The following PLA2G6 variants were observed in gnomAD, a reference collection of about 807,000 sequenced individuals.
PLA2G6 encodes the protein phospholipase A2 group VI.
A neutral mutation model predicts 83.8 loss-of-function variants in PLA2G6; 62 were observed. That is an observed-to-expected ratio of 0.74 (90% CI 0.60 to 0.91). The LOEUF is 0.91. Among genes scored for constraint, PLA2G6 ranks in the 40% least tolerant of loss-of-function variants. The pLI, the probability that PLA2G6 is intolerant of heterozygous loss-of-function variation, is 0.00. For synonymous variants in PLA2G6, 417 were observed against 449.8 expected, an observed-to-expected ratio of 0.93 and a Z score of 0.92; for missense variants, 944 against 1,102.0, an observed-to-expected ratio of 0.86 and a Z score of 2.03.
chr22:38,153,325 G>A (rs2089648344), intron 2 of PLA2G6, among the ~76,000 whole-genome samples: 1 of 152,182 alleles, frequency 6.6e-6, no homozygotes, highest in Non-Finnish European at 1.5e-5. Context: ...CAAGTGAGGA[G>A]CGCCTCTGCC....
At chr22:38,162,547 G>A (rs1394532443) in intron 2 of PLA2G6, among the ~76,000 whole-genome samples, 1 of 152,160 alleles carries the variant, frequency 6.6e-6, no homozygotes, top group African/African-American at 2.4e-5. Context: ...GGAAAGTGGG[G>A]TGCTTGAAAC....
chr22:38,159,221 A>C (rs2089912113), intron 2 of PLA2G6, among the ~76,000 whole-genome samples: 1 of 152,320 alleles, frequency 6.6e-6, no homozygotes, highest in East Asian at 1.9e-4. Context: ...TCCTCCATAC[A>C]TTAAAAAGGA....
At chr22:38,126,761 C>T (rs895876801) in intron 9 of PLA2G6, 8 of 426,302 alleles carry the variant, frequency 1.9e-5, no homozygotes, top group Non-Finnish European at 3.1e-5. Flanking sequence ...GGCATGAATA[C>T]CCTTGCGTGT....
At position 38,112,036 on chromosome 22, in the gene PLA2G6, C is replaced by T; in HGVS notation, c.*125G>A. The T allele has an allele frequency of 1.7e-6, 2 of 1,167,848 alleles. No homozygotes were observed. The highest frequency in any genetic ancestry group is 2.5e-6 in the Non-Finnish European group (2 of 804,624). The allele number at this position is 1,167,848 out of a possible 1,614,324, so 72.3% of individuals were successfully genotyped here. On this transcript the variant is annotated 3_prime_UTR_variant, in exon 17 of 17. Coordinates refer to ENST00000332509, the MANE Select transcript of PLA2G6 (RefSeq NM_003560.4). ...TCGGGCAGGCAGCTTGGCATTCTCC[C>T]AGGCCTGGTCTATGGACTCAGAGGT... is the stretch of plus-strand genomic sequence containing the variant.
chr22:38,152,246 C>A (rs1341345172), intron 2 of PLA2G6, among the ~76,000 whole-genome samples: 11 of 151,230 alleles, frequency 7.3e-5, no homozygotes, highest in Non-Finnish European at 1.6e-4. Context: ...GACAGAGTTT[C>A]GCTCTTGTCG....
At chr22:38,139,375 G>T (rs1211020398) in intron 5 of PLA2G6, 1 of 151,766 alleles carries the variant, frequency 6.6e-6, no homozygotes, top group African/African-American at 2.4e-5. Flanking sequence ...TATAGAGGGA[G>T]ATTCACTCCT....
chr22:38,181,098 T>A (rs1442676914), intron 1 of PLA2G6, among the ~76,000 whole-genome samples: 3 of 151,914 alleles, frequency 2.0e-5, no homozygotes, highest in East Asian at 3.9e-4. Context: ...CCCGACCCAG[T>A]CCCATGATCA....
intron 1 of PLA2G6, among the ~76,000 whole-genome samples, chr22:38,171,546 T>C (rs944205425): frequency 2.6e-5 from 4 of 151,972 alleles, no homozygotes; most frequent in Non-Finnish European, 5.9e-5. Context: ...AGGCCAGGCA[T>C]GGTGGCTCAT....
At chr22:38,164,173 C>T (rs968423620) in intron 2 of PLA2G6, among the ~76,000 whole-genome samples, 2 of 152,186 alleles carry the variant, frequency 1.3e-5, no homozygotes, top group Admixed American at 1.3e-4. Flanking sequence ...CAAGTGACCC[C>T]TGGGGGCTCA....
intron 1 of PLA2G6, among the ~76,000 whole-genome samples, chr22:38,170,062 G>A (rs1278011663): frequency 6.6e-6 from 1 of 152,036 alleles, no homozygotes; most frequent in African/African-American, 2.4e-5. Flanking sequence ...GCCAGATGTG[G>A]TGGCAGGCGC....
At chr22:38,160,415 C>A (rs115040454) in intron 2 of PLA2G6, among the ~76,000 whole-genome samples, 1,486 of 148,070 alleles carry the variant, frequency 0.01, 33 homozygotes, top group African/African-American at 0.035. Flanking sequence ...AGAAATAACC[C>A]AAATTTTCAT....
rs934184302 is a variant in PLA2G6 at position 38,132,398 on chromosome 22, C to T, written c.1077+433G>A. On this transcript the variant is annotated intron_variant, in intron 7 of 16. Coordinates refer to ENST00000332509, the MANE Select transcript of PLA2G6 (RefSeq NM_003560.4). The surrounding 1 kb of genome is among the most constrained non-coding windows in gnomAD (Gnocchi z 5.0). ...GGATGCTCACTCGGGCCAGGTACTG[C>T]GTGTGTCACTTAGACATTCTGTAGA... The T allele has an allele frequency of 1.6e-5, 5 of 322,406 alleles. No individual in the cohort carries two copies. Among genetic ancestry groups the T allele is most frequent in the South Asian group, 5.2e-5 (2 of 38,732 alleles). 20.0% of individuals were successfully genotyped at this position (322,406 alleles called of 1,614,324 possible).
intron 5 of PLA2G6, 60 bp from the exon 6 acceptor site, chr22:38,135,144 A>C: frequency 8.5e-7 from 1 of 1,176,830 alleles, no homozygotes; most frequent in Non-Finnish European, 1.3e-6. Context: ...GCGTGGGATG[A>C]AGCCAGGACT....
chr22:38,116,851 C>CAAAAAAAAAAAA (rs57712042), intron 12 of PLA2G6, among the ~76,000 whole-genome samples: 25 of 37,658 alleles, frequency 6.6e-4, no homozygotes, highest in Non-Finnish European at 9.1e-4. Context: ...AACTCCGTCT[C>CAAAAAAAAAAAA]AAAAAAAAAA....
At chr22:38,162,453 G>A (rs2090056771) in intron 2 of PLA2G6, among the ~76,000 whole-genome samples, 1 of 152,142 alleles carries the variant, frequency 6.6e-6, no homozygotes, top group Non-Finnish European at 1.5e-5. Context: ...AAAGCGGCCA[G>A]GAGCAATTCC....
At chr22:38,168,450 T>C (rs4821751) in intron 2 of PLA2G6, among the ~76,000 whole-genome samples, 63,098 of 152,156 alleles carry the variant, frequency 0.41, 13,569 homozygotes, top group African/African-American at 0.5. Context: ...TTGAGCCTTC[T>C]CTTCAGGCCC....
Position 38,132,436 on chromosome 22 carries a change from G to GTAGA in PLA2G6, c.1077+394_1077+395insTCTA. Reference sequence around the variant, plus strand: ...GACATTCTGTAGAGGGTGACCAAGTGTCCACCATAACTTTTCCACAACTCT... The same window carrying GTAGA: ...GACATTCTGTAGAGGGTGACCAAGTGTAGATCCACCATAACTTTTCCACAACTCT... On this transcript the variant is annotated intron_variant, in intron 7 of 16. Transcript: ENST00000332509. This position sits in a 1 kb window ranked among gnomAD's most constrained non-coding sequence, Gnocchi z 5.0. 3.0e-6 allele frequency: 1 copy of GTAGA among 332,692 alleles called. No individual in the cohort carries two copies. The highest frequency in any genetic ancestry group is 2.8e-5 in the South Asian group (1 of 36,324). The allele number at this position is 332,692 out of a possible 1,614,324, so 20.6% of individuals were successfully genotyped here. A position where few individuals can be genotyped will look rare whatever the true frequency, so the allele number is the denominator to read the frequency against.
chr22:38,133,047 C>G, intron 6 of PLA2G6, 34 bp from the exon 7 acceptor site: 1 of 1,542,738 alleles, frequency 6.5e-7, no homozygotes, highest in Non-Finnish European at 8.7e-7. Flanking sequence ...TTAGCACAGG[C>G]ACTCGGGGAG....
chr22:38,140,417 A>C (rs1318689735), intron 4 of PLA2G6: 1 of 465,344 alleles, frequency 2.1e-6, no homozygotes. Flanking sequence ...CTGAGGAAAG[A>C]GAATCGCTTG....
Sources: gnomAD v4.1 joint callset for allele counts (sites outside exome capture counted in the v4.1 genomes callset) on GRCh38, gnomAD v4.1.1 for gene constraint, Gnocchi (gnomAD v3.1) non-coding constraint, MANE v1.5 for transcripts, NCBI Gene and HGNC (gene_info 2026-07-23, HGNC 2026-07-21) for gene names.